The following ABCA4 variants were observed in gnomAD, a reference collection of about 807,000 sequenced individuals.
ABCA4 encodes retinal-specific phospholipid-transporting ATPase ABCA4.
In ABCA4, 196 loss-of-function variants were observed where a neutral mutation model predicts 263.7. The ratio of observed to expected loss-of-function variants is 0.74; its 90% CI spans 0.66 to 0.84. ABCA4 has a LOEUF of 0.84. Among genes scored for constraint, ABCA4 ranks in the 40% least tolerant of loss-of-function variants. The pLI is 0.00. For synonymous variants in ABCA4, 1,133 were observed against 1,094.2 expected (o/e 1.04, Z -0.70); for missense variants, 2,792 against 2,855.1 (o/e 0.98, Z 0.50).
chr1:94,030,616 C>T (rs970266904), intron 28 of ABCA4, 90 bp from the exon 29 acceptor site: 2 of 1,289,316 alleles, frequency 1.6e-6, no homozygotes. Context: ...TGCTGTGTGC[C>T]AGGTATGTAT....
intron 13 of ABCA4, 137 bp downstream of exon 13, chr1:94,062,440 T>C (rs111749697): frequency 6.0e-6 from 6 of 996,634 alleles, no homozygotes; most frequent in Non-Finnish European, 9.1e-6. Context: ...CAGAGCTCCA[T>C]GCTCTCCAAT....
At chr1:94,030,059 C>A (rs1660153189) in intron 29 of ABCA4, among the ~76,000 whole-genome samples, 1 of 152,214 alleles carries the variant, frequency 6.6e-6, no homozygotes, top group African/African-American at 2.4e-5. Flanking sequence ...ACAACTATCA[C>A]AAAGTACTGG....
chr1:94,016,877 T>A (rs1195882154), intron 36 of ABCA4, among the ~76,000 whole-genome samples: 2 of 152,082 alleles, frequency 1.3e-5, no homozygotes, highest in Non-Finnish European at 1.5e-5. Flanking sequence ...CCAGGGCTTC[T>A]TGGGGAGAGG....
At chr1:94,049,275 C>T (rs1303906801) in intron 17 of ABCA4, among the ~76,000 whole-genome samples, 1 of 152,214 alleles carries the variant, frequency 6.6e-6, no homozygotes, top group Non-Finnish European at 1.5e-5. Context: ...TAGCCCACCA[C>T]TGGCACATTT....
chr1:94,025,105 T>C (rs1247127201), intron 30 of ABCA4, 57 bp from the exon 31 acceptor site: 20 of 1,407,968 alleles, frequency 1.4e-5, no homozygotes, highest in Admixed American at 5.0e-5. Context: ...TTATAAGTAG[T>C]TTGTGAAACT....
intron 47 of ABCA4, among the ~76,000 whole-genome samples, chr1:93,998,713 ATTTATTTTATTTTAT>A (rs374404349): frequency 1.1e-3 from 144 of 133,708 alleles, no homozygotes; most frequent in Middle Eastern, 3.9e-3. Context: ...ATTTTATTTT[ATTTATTTTATTTTAT>A]TTTATTTTAT....
At chr1:94,073,900 C>T (rs1392673846) in intron 11 of ABCA4, among the ~76,000 whole-genome samples, 1 of 152,192 alleles carries the variant, frequency 6.6e-6, no homozygotes, top group African/African-American at 2.4e-5. Context: ...GAGCCTCTCT[C>T]CTCCGTCCAC....
At chr1:94,005,747 C>T (rs759538771) in intron 43 of ABCA4, among the ~76,000 whole-genome samples, 165 bp from the exon 44 acceptor site, 2 of 152,174 alleles carry the variant, frequency 1.3e-5, no homozygotes, top group Non-Finnish European at 2.9e-5. Flanking sequence ...AACAGGGGCC[C>T]TTCGGTTAGA....
intron 47 of ABCA4, 108 bp from the exon 48 acceptor site, chr1:93,998,218 T>A: frequency 6.7e-7 from 1 of 1,488,942 alleles, no homozygotes; most frequent in Non-Finnish European, 9.3e-7. Flanking sequence ...AAGCTCAGCT[T>A]GGTGGCTCAC....
intron 31 of ABCA4, among the ~76,000 whole-genome samples, chr1:94,024,616 CTCTTT>C (rs373346177): frequency 5.8e-4 from 88 of 152,272 alleles, no homozygotes; most frequent in African/African-American, 2.0e-3. Context: ...TTTTTACTCT[CTCTTT>C]TAACTAGTTA....
rs376874547 is a variant in ABCA4 at position 94,104,231 on chromosome 1, C to G, written c.443-1089G>C. Among the ~76,000 whole-genome samples, 5 of 152,304 alleles carry G rather than the reference C, an allele frequency of 3.3e-5. No individual in the cohort carries two copies. In the East Asian group the frequency reaches 7.7e-4, roughly 24 times the overall value. ...TCTGGCCAGAGAAGAGCCTTATGGG[C>G]CTGGATGTCTACGAAGGGACTTCAA... On this transcript the variant is annotated intron_variant, in intron 4 of 49. Coordinates refer to ENST00000370225, the MANE Select transcript of ABCA4 (RefSeq NM_000350.3).
At chr1:94,064,241 A>G (rs1661207283) in intron 11 of ABCA4, among the ~76,000 whole-genome samples, 1 of 152,234 alleles carries the variant, frequency 6.6e-6, no homozygotes, top group Non-Finnish European at 1.5e-5. Context: ...GGAAAGATAA[A>G]CATCTCTTCC....
intron 49 of ABCA4, 110 bp from the exon 50 acceptor site, chr1:93,993,352 A>T: frequency 7.2e-7 from 1 of 1,380,528 alleles, no homozygotes; most frequent in Non-Finnish European, 1.0e-6. Context: ...AAGGGCACTC[A>T]GCTGAGGGCA....
At chr1:94,116,407 C>G (rs1370896100) in intron 1 of ABCA4, among the ~76,000 whole-genome samples, 4 of 152,102 alleles carry the variant, frequency 2.6e-5, no homozygotes, top group Non-Finnish European at 4.4e-5. Flanking sequence ...CATGGGACAT[C>G]AGGGTTCTTC....
intron 7 of ABCA4, 75 bp downstream of exon 7, chr1:94,083,277 A>T: frequency 7.9e-7 from 1 of 1,271,316 alleles, no homozygotes; most frequent in Non-Finnish European, 1.1e-6. Flanking sequence ...AAATACAATT[A>T]AATTATTTGA....
intron 48 of ABCA4, 120 bp from the exon 49 acceptor site, chr1:93,996,315 T>C: frequency 1.2e-6 from 1 of 812,306 alleles, no homozygotes; most frequent in East Asian, 2.6e-5. Context: ...TGGTATGGCT[T>C]GTGTCCTACC....
chr1:94,018,748 T>C (rs1659811296), intron 36 of ABCA4, among the ~76,000 whole-genome samples: 1 of 152,192 alleles, frequency 6.6e-6, no homozygotes, highest in African/African-American at 2.4e-5. Flanking sequence ...TGTTACATTA[T>C]AACTAGGCCT....
chr1:94,033,177 T>C (rs1477595894), intron 26 of ABCA4, among the ~76,000 whole-genome samples: 1 of 152,152 alleles, frequency 6.6e-6, no homozygotes, highest in Admixed American at 6.5e-5. Flanking sequence ...CCCAGCACTT[T>C]GGGAGGCCAA....
At chr1:94,009,380 C>T (rs1349763971) in intron 40 of ABCA4, among the ~76,000 whole-genome samples, 1 of 152,130 alleles carries the variant, frequency 6.6e-6, no homozygotes, top group Non-Finnish European at 1.5e-5. Context: ...GTCATCAGGC[C>T]ACCTCATGCC....
Sources: gnomAD v4.1 joint callset for allele counts (sites outside exome capture counted in the v4.1 genomes callset) on GRCh38, gnomAD v4.1.1 for gene constraint, MANE v1.5 for transcripts, NCBI Gene and HGNC (gene_info 2026-07-23, HGNC 2026-07-21) for gene names.